CLYBL: variants seen among roughly 807,000 people sequenced by gnomAD.
The protein encoded by CLYBL is citramalyl-CoA lyase, also known as citramalyl-CoA lyase, mitochondrial.
In CLYBL, 31 loss-of-function variants were observed where a neutral mutation model predicts 38.9. The observed-to-expected ratio is 0.80, with a 90% confidence interval of 0.60 to 1.08. CLYBL has a LOEUF of 1.08. Ranked by LOEUF, CLYBL falls within the 50% of genes least tolerant of loss-of-function variation. CLYBL has a pLI of 0.00. For missense variants in CLYBL, 434 were observed against 411.6 expected (o/e 1.05, Z -0.47); for synonymous variants, 171 against 158.6 (o/e 1.08, Z -0.59).
intron 1 of CLYBL, among the ~76,000 whole-genome samples, chr13:99,693,413 A>G (rs2047935665): frequency 6.6e-6 from 1 of 152,046 alleles, no homozygotes; most frequent in Non-Finnish European, 1.5e-5. Flanking sequence ...TCTTCCCTGT[A>G]GCAAGTGACA....
intron 2 of CLYBL, among the ~76,000 whole-genome samples, chr13:99,779,343 A>G (rs2049590936): frequency 6.6e-6 from 1 of 152,026 alleles, no homozygotes; most frequent in Non-Finnish European, 1.5e-5. Flanking sequence ...GGGTTTCACC[A>G]CGTTGGCCAG....
intron 1 of CLYBL, among the ~76,000 whole-genome samples, chr13:99,676,859 C>T (rs1010160354): frequency 1.3e-5 from 2 of 152,150 alleles, no homozygotes; most frequent in Admixed American, 1.3e-4. Flanking sequence ...CCCACCTCAG[C>T]CTCCCAGAGT....
At chr13:99,748,854 A>G (rs944987315) in intron 1 of CLYBL, among the ~76,000 whole-genome samples, 1 of 152,106 alleles carries the variant, frequency 6.6e-6, no homozygotes, top group African/African-American at 2.4e-5. Flanking sequence ...AAGAACTTTA[A>G]TTTTTGACAT....
intron 2 of CLYBL, among the ~76,000 whole-genome samples, chr13:99,853,728 A>G (rs1056655083): frequency 1.3e-5 from 2 of 152,190 alleles, no homozygotes; most frequent in African/African-American, 4.8e-5. Context: ...AAAATCCAAT[A>G]TAATTGACTG....
At chr13:99,733,893 A>G (rs757213302) in intron 1 of CLYBL, among the ~76,000 whole-genome samples, 3 of 152,250 alleles carry the variant, frequency 2.0e-5, no homozygotes, top group Non-Finnish European at 4.4e-5. Context: ...ACTGCAGCGT[A>G]ACCCCAAATC....
At chr13:99,733,220 T>A (rs534001798) in intron 1 of CLYBL, among the ~76,000 whole-genome samples, 3 of 151,876 alleles carry the variant, frequency 2.0e-5, no homozygotes, top group Admixed American at 6.6e-5. Flanking sequence ...ACTTTTAAGA[T>A]CTCATAATCC....
At chr13:99,871,864 G>C (rs9582351) in intron 7 of CLYBL, among the ~76,000 whole-genome samples, 9,125 of 151,936 alleles carry the variant, frequency 0.06, 861 homozygotes, top group African/African-American at 0.2. Flanking sequence ...TATCCTAGAG[G>C]TAATCTCTAA....
Position 99,827,161 on chromosome 13 carries a change from G to A in CLYBL, c.250-31700G>A, listed in dbSNP as rs1238021913. Among the ~76,000 whole-genome samples the A allele has an allele frequency of 3.3e-5, 5 of 152,190 alleles. No homozygotes were observed. In the South Asian group the frequency reaches 6.2e-4, roughly 19 times the overall value. On this transcript the variant is annotated intron_variant, in intron 2 of 8. Coordinates refer to ENST00000339105, the MANE Select transcript of CLYBL (RefSeq NM_206808.5). ...AGATGAGGCAGGGTCTGGGTTCCGTGAGTCATTTACCACAGACTCCAGTTG... is the reference window on the plus strand; with the variant it reads ...AGATGAGGCAGGGTCTGGGTTCCGTAAGTCATTTACCACAGACTCCAGTTG...
intron 2 of CLYBL, among the ~76,000 whole-genome samples, chr13:99,811,241 G>T (rs150992360): frequency 1.0e-3 from 154 of 152,312 alleles, no homozygotes; most frequent in Non-Finnish European, 1.9e-3. Context: ...TGGAAACCAG[G>T]GGGTCAAGTG....
chr13:99,845,173 G>A (rs1192104671), intron 2 of CLYBL, among the ~76,000 whole-genome samples: 1 of 152,178 alleles, frequency 6.6e-6, no homozygotes, highest in East Asian at 1.9e-4. Context: ...CATCTCGCAT[G>A]AAGGATACAA....
At position 99,869,707 on chromosome 13, in the gene CLYBL, A is replaced by G. The variant is rs1014124806; in HGVS notation, c.803-1231A>G. Among the ~76,000 whole-genome samples, 4 of 152,080 alleles carry G rather than the reference A, an allele frequency of 2.6e-5. No homozygotes were observed. Among genetic ancestry groups the G allele is most frequent in the African/African-American group, 9.7e-5 (4 of 41,436 alleles). On this transcript the variant is annotated intron_variant, in intron 6 of 8. Transcript: ENST00000339105. This position sits in a 1 kb window ranked among gnomAD's most constrained non-coding sequence, Gnocchi z 4.3. ...AAGCATCATTCCTTTTTTCATTCTA[A>G]TAGAATAATGACAATAGGAATTGAC...
At chr13:99,836,986 A>T (rs947512054) in intron 2 of CLYBL, among the ~76,000 whole-genome samples, 2 of 152,098 alleles carry the variant, frequency 1.3e-5, no homozygotes, top group South Asian at 4.2e-4. Flanking sequence ...ACATGTATAC[A>T]TATGTAACAA....
At chr13:99,894,471 A>G (rs2052546904), downstream of CLYBL, 1 of 152,158 alleles carries the variant, frequency 6.6e-6, no homozygotes, top group African/African-American at 2.4e-5. Flanking sequence ...ATTATGGGTA[A>G]CACTATTAAA....
chr13:99,733,711 A>G (rs9513654), intron 1 of CLYBL, among the ~76,000 whole-genome samples: 4,346 of 152,342 alleles, frequency 0.029, 76 homozygotes, highest in Middle Eastern at 0.12. Context: ...TTCCTTCTGA[A>G]CAACTGGAAT....
rs566335682 is a variant in CLYBL at position 99,908,636 on chromosome 13, G to T, written c.*742G>T. Reference sequence around the variant, plus strand: ...GTTATTTCACCACACAGTGTGGTAGGGAGGGAACTGATATGTTGCAATGCA... The same window carrying T: ...GTTATTTCACCACACAGTGTGGTAGTGAGGGAACTGATATGTTGCAATGCA... On this transcript the variant is annotated 3_prime_UTR_variant and NMD_transcript_variant, in exon 10 of 10. Coordinates refer to the CLYBL transcript ENST00000689673. 2.6e-5 allele frequency among the ~76,000 whole-genome samples: 4 copies of T among 152,296 alleles called. No homozygotes were observed. In the East Asian group the frequency reaches 7.7e-4, roughly 29 times the overall value.
At chr13:99,707,272 A>G (rs2139478443) in intron 1 of CLYBL, among the ~76,000 whole-genome samples, 1 of 151,750 alleles carries the variant, frequency 6.6e-6, no homozygotes, top group South Asian at 2.1e-4. Context: ...ATTTTATTTT[A>G]TTTTATTTTA....
At chr13:99,804,818 G>A (rs1298814228) in intron 2 of CLYBL, among the ~76,000 whole-genome samples, 3 of 152,066 alleles carry the variant, frequency 2.0e-5, no homozygotes, top group African/African-American at 7.2e-5. Context: ...ATAGTTCAGT[G>A]GCATTAAGAA....
At chr13:99,877,239 G>A (rs1022903866) in intron 7 of CLYBL, among the ~76,000 whole-genome samples, 1 of 152,166 alleles carries the variant, frequency 6.6e-6, no homozygotes. Context: ...ACACCCCATG[G>A]TGTTCAGTGC....
chr13:99,653,577 C>T (rs542158640), intron 1 of CLYBL, among the ~76,000 whole-genome samples: 3 of 152,308 alleles, frequency 2.0e-5, no homozygotes, highest in South Asian at 2.1e-4. Flanking sequence ...TACTTAATTA[C>T]GTGCATCTGT....
Sources: allele counts gnomAD v4.1 joint callset (sites outside exome capture counted in the v4.1 genomes callset), GRCh38; gene constraint gnomAD v4.1.1; non-coding constraint Gnocchi (gnomAD v3.1); transcripts MANE v1.5; gene names NCBI Gene and HGNC (gene_info 2026-07-23, HGNC 2026-07-21).